ATP2B2: variants seen among roughly 807,000 people sequenced by gnomAD.
ATP2B2 encodes the protein ATPase plasma membrane Ca2+ transporting 2, also known as plasma membrane calcium-transporting ATPase 2.
In ATP2B2, 15 loss-of-function variants were observed where a neutral mutation model predicts 120.0. The observed-to-expected ratio is 0.12, with a 90% CI of 0.08 to 0.19. The LOEUF is 0.19. ATP2B2 is among the 10% of genes least tolerant of loss of function. The pLI is 1.00. For missense variants in ATP2B2, 1,045 were observed against 1,719.8 expected (o/e 0.61, Z 6.94); for synonymous variants, 694 against 700.3 (o/e 0.99, Z 0.14).
chr3:10,641,995 TCCACC>T (rs1477035267), intron 1 of ATP2B2, among the ~76,000 whole-genome samples: 20 of 151,156 alleles, frequency 1.3e-4, no homozygotes, highest in African/African-American at 4.4e-4. Flanking sequence ...CATCCACCCA[TCCACC>T]CATCCACCCA....
At chr3:10,387,935 TACTC>T (rs1179983493) in intron 6 of ATP2B2, 2 of 355,252 alleles carry the variant, frequency 5.6e-6, no homozygotes, top group Non-Finnish European at 1.1e-5. Flanking sequence ...TGGGGATTTC[TACTC>T]AATACTGGAG....
chr3:10,336,340 C>T (rs1042756536), intron 22 of ATP2B2: 53 of 1,540,026 alleles, frequency 3.4e-5, no homozygotes, highest in South Asian at 3.6e-5. Context: ...GCGAGAAGAA[C>T]GAGCACAACG....
At position 10,375,703 on chromosome 3, in the gene ATP2B2, T is replaced by G. The variant is rs558603038; in HGVS notation, c.1202-59A>C. 203 of 1,517,672 alleles carry G rather than the reference T, an allele frequency of 1.3e-4. No individual in the cohort carries two copies. The highest frequency in any genetic ancestry group is 6.8e-4 in the Middle Eastern group (4 of 5,902). The allele number at this position is 1,517,672 out of a possible 1,614,324, so 94.0% of individuals were successfully genotyped here. ...CAGGAAGTGGAGGCTGGGGGTGGTG[T>G]GGACCAAATCTTTGGCTGAAAGAGC... is the stretch of plus-strand genomic sequence containing the variant. On this transcript the variant is annotated intron_variant, in intron 10 of 22. Coordinates refer to ENST00000360273, the MANE Select transcript of ATP2B2 (RefSeq NM_001001331.4). The surrounding 1 kb of genome is among the most constrained non-coding windows in gnomAD (Gnocchi z 4.2).
At chr3:10,430,020 C>G (rs1033544593) in intron 2 of ATP2B2, among the ~76,000 whole-genome samples, 2 of 152,190 alleles carry the variant, frequency 1.3e-5, no homozygotes, top group African/African-American at 4.8e-5. Flanking sequence ...AAGTTGGAAG[C>G]TAGCAGAGGT....
intron 12 of ATP2B2, among the ~76,000 whole-genome samples, chr3:10,369,497 TAATTGGCTG>T (rs1027459122): frequency 6.6e-5 from 10 of 152,244 alleles, no homozygotes; most frequent in Non-Finnish European, 1.2e-4. Flanking sequence ...GTTTTGCTGC[TAATTGGCTG>T]AATGGTTTTG....
At chr3:10,651,441 CTCTCT>C (rs1330955271) in intron 1 of ATP2B2, among the ~76,000 whole-genome samples, 3 of 152,236 alleles carry the variant, frequency 2.0e-5, no homozygotes, top group Non-Finnish European at 2.9e-5. Flanking sequence ...CCTGCATAAG[CTCTCT>C]TCTCTTGTCT....
At chr3:10,529,285 TCCTGGTACTCC>T (rs1264347717) in intron 3 of ATP2B2, among the ~76,000 whole-genome samples, 27 of 152,222 alleles carry the variant, frequency 1.8e-4, no homozygotes, top group Middle Eastern at 3.2e-3. Flanking sequence ...GGAACGATCT[TCCTGGTACTCC>T]CCTATCCAAC....
At chr3:10,465,481 G>A (rs2064696638) in intron 1 of ATP2B2, among the ~76,000 whole-genome samples, 1 of 152,236 alleles carries the variant, frequency 6.6e-6, no homozygotes, top group African/African-American at 2.4e-5. Flanking sequence ...CCATCCTTCT[G>A]CATTTCAAAA....
In ATP2B2 at chr3:10,324,348, G is replaced by A. The variant is rs2059828060; in HGVS notation, c.*4466C>T. The stretch of plus-strand genomic sequence containing the variant: ...CAAAACAGACTTAGGGGGCTGAGAA[G>A]GGCAGTCCCAAAGCAGCCTCCAATA... On this transcript the variant is annotated 3_prime_UTR_variant, in exon 23 of 23. Coordinates refer to ENST00000360273, the MANE Select transcript of ATP2B2 (RefSeq NM_001001331.4). 6.6e-6 allele frequency: 1 copy of A among 152,142 alleles called. No individual in the cohort carries two copies. Among genetic ancestry groups the A allele is most frequent in the African/African-American group, 2.4e-5 (1 of 41,414 alleles). The allele number at this position is 152,142 out of a possible 1,614,324, so 9.4% of individuals were successfully genotyped here.
At chr3:10,416,703 G>A (rs1183049103) in intron 2 of ATP2B2, among the ~76,000 whole-genome samples, 1 of 152,140 alleles carries the variant, frequency 6.6e-6, no homozygotes, top group Non-Finnish European at 1.5e-5. Flanking sequence ...GCGACCTGGA[G>A]GAAGAGGTAC....
chr3:10,481,088 T>C (rs2065393197), intron 1 of ATP2B2, among the ~76,000 whole-genome samples: 2 of 152,190 alleles, frequency 1.3e-5, no homozygotes, highest in South Asian at 4.1e-4. Flanking sequence ...AGGACATTCC[T>C]GAGAATGAAG....
chr3:10,452,069 G>A (rs40422), intron 1 of ATP2B2, among the ~76,000 whole-genome samples: 125,806 of 152,284 alleles, frequency 0.83, 52,957 homozygotes, highest in Non-Finnish European at 0.91. Context: ...CTCATTCTGT[G>A]CAACACTGTG....
intron 8 of ATP2B2, among the ~76,000 whole-genome samples, chr3:10,382,197 A>ATTTTT (rs58615119): frequency 0.095 from 11,539 of 121,930 alleles, 1,199 homozygotes; most frequent in East Asian, 0.27. Context: ...AGCTAATTAA[A>ATTTTT]TTTTTTTTTT....
chr3:10,681,274 GT>G (rs1458412582), intron 1 of ATP2B2, among the ~76,000 whole-genome samples: 1 of 152,162 alleles, frequency 6.6e-6, no homozygotes, highest in Non-Finnish European at 1.5e-5. Context: ...GTGTGGCCAC[GT>G]CCCCCAGCAG....
chr3:10,410,490 C>T, intron 3 of ATP2B2, 128 bp downstream of exon 3: 1 of 1,234,932 alleles, frequency 8.1e-7, no homozygotes, highest in South Asian at 1.5e-5. Context: ...TGGGTGGGGC[C>T]CTGCCCCTTG....
chr3:10,641,582 C>T (rs1226704580), intron 1 of ATP2B2, among the ~76,000 whole-genome samples: 1 of 152,196 alleles, frequency 6.6e-6, no homozygotes, highest in Non-Finnish European at 1.5e-5. Flanking sequence ...CATCCAGGGG[C>T]CAGATCTCGC....
chr3:10,487,557 T>C (rs2065739369), intron 1 of ATP2B2, among the ~76,000 whole-genome samples: 1 of 152,222 alleles, frequency 6.6e-6, no homozygotes, highest in Non-Finnish European at 1.5e-5. Context: ...ACAGCCCTGA[T>C]GGGGGTTGAA....
At position 10,385,125 on chromosome 3, in the gene ATP2B2, C is replaced by G. The variant is rs2061636021; in HGVS notation, c.1000+143G>C. On this transcript the variant is annotated intron_variant, in intron 8 of 22. Coordinates refer to ENST00000360273, the MANE Select transcript of ATP2B2 (RefSeq NM_001001331.4). ...GTGGCTCCTGTCTTAAGCGCCTGCCCCATGTGAGAAGGTGACTGTCCCAGC... is the reference window on the plus strand; with the variant it reads ...GTGGCTCCTGTCTTAAGCGCCTGCCGCATGTGAGAAGGTGACTGTCCCAGC... 3.6e-6 allele frequency: 3 copies of G among 831,496 alleles called. No homozygotes were observed. The East Asian group carries it at 8.0e-5, about 22-fold the overall frequency. The allele number at this position is 831,496 out of a possible 1,614,324, so 51.5% of individuals were successfully genotyped here.
At chr3:10,453,461 T>C (rs1242532643) in intron 1 of ATP2B2, among the ~76,000 whole-genome samples, 3 of 152,128 alleles carry the variant, frequency 2.0e-5, no homozygotes, top group Non-Finnish European at 4.4e-5. Context: ...ATCACAAGAT[T>C]AGTGAGTGGT....
Sources: allele counts gnomAD v4.1 joint callset (sites outside exome capture counted in the v4.1 genomes callset), GRCh38; gene constraint gnomAD v4.1.1; non-coding constraint Gnocchi (gnomAD v3.1); transcripts MANE v1.5; gene names NCBI Gene and HGNC (gene_info 2026-07-23, HGNC 2026-07-21).